The following SASH3 variants were observed in gnomAD, a reference collection of about 807,000 sequenced individuals.
The protein encoded by SASH3 is SAM and SH3 domain-containing protein 3.
Under a neutral mutation model 26.1 loss-of-function variants are expected in SASH3, and 7 were observed. The ratio of observed to expected loss-of-function variants is 0.27; its 90% confidence interval spans 0.15 to 0.50. SASH3 has a LOEUF of 0.50. Among genes scored for constraint, SASH3 ranks in the 20% least tolerant of loss-of-function variants. The pLI is 0.98. For synonymous variants in SASH3, 138 were observed against 136.8 expected (o/e 1.01, Z -0.06); for missense variants, 231 against 318.3 (o/e 0.73, Z 2.09).
chrX:129,788,137 G>GGGGGGGGGGGGGGGGGGGGGGGGTGGC, intron 2 of SASH3, 67 bp downstream of exon 2: 1 of 354,273 alleles, frequency 2.8e-6, no homozygotes. Context: ...GGGTGGGAGG[G>GGGGGGGGGGGGGGGGGGGGGGGGTGGC]AAGAGGGTGA....
At position 129,781,798 on chromosome X, in the gene SASH3, C is replaced by A. The variant is rs181759434; in HGVS notation, c.57+1644C>A. Among the ~76,000 whole-genome samples the A allele has an allele frequency of 7.8e-3, 875 of 112,205 alleles. 11 individuals carry two copies. Among genetic ancestry groups the A allele is most frequent in the African/African-American group, 0.026 (819 of 30,914 alleles). ...GTCCTTTCGGGGAGAGTAGTCCAGG[C>A]AAACCCCACCCCAACCCCTGCCAGA... On this transcript the variant is annotated intron_variant, in intron 1 of 7. Coordinates refer to ENST00000356892, the MANE Select transcript of SASH3 (RefSeq NM_018990.4).
chrX:129,793,676 C>A lies in SASH3; in HGVS notation c.987C>A (p.Ser329Arg). 8.3e-7 allele frequency: 1 copy of A among 1,212,035 alleles called. No individual in the cohort carries two copies. The highest frequency in any genetic ancestry group is 2.2e-5 in the Admixed American group (1 of 46,143). ...GSEEAEEGAE[S>R]SQEPVAHTVS... Reference sequence around the variant, plus strand: ...AGGAGGCTGAAGAGGGCGCCGAGAGCAGCCAGGAGCCAGTGGCACACACAG... The same window carrying A: ...AGGAGGCTGAAGAGGGCGCCGAGAGAAGCCAGGAGCCAGTGGCACACACAG... Residue 329 changes from serine (S) to arginine (R), a missense_variant, in exon 8 of 8, where the codon AGC becomes AGA. Ser to Arg is a moderately radical substitution (Grantham distance 110, BLOSUM62 -1). Transcript: ENST00000356892.
At chrX:129,790,285 C>T (rs978714613) in intron 3 of SASH3, among the ~76,000 whole-genome samples, 3 of 110,239 alleles carry the variant, frequency 2.7e-5, no homozygotes, top group African/African-American at 6.6e-5. Flanking sequence ...TGACATTGGC[C>T]GTGGAGGGGA....
At chrX:129,781,786 G>A (rs1311031102) in intron 1 of SASH3, among the ~76,000 whole-genome samples, 2 of 112,240 alleles carry the variant, frequency 1.8e-5, no homozygotes, top group Non-Finnish European at 3.8e-5. Context: ...CTTTCGGGGA[G>A]AGTAGTCCAG....
At chrX:129,791,214 C>T in intron 4 of SASH3, 133 bp downstream of exon 4, 1 of 616,768 alleles carries the variant, frequency 1.6e-6, no homozygotes, top group South Asian at 3.0e-5. Flanking sequence ...GGAACATTCT[C>T]AGTCCTCTTC....
At position 129,794,134 on chromosome X, in the gene SASH3, G is replaced by A. The variant is rs764161662; in HGVS notation, c.*302G>A. On this transcript the variant is annotated 3_prime_UTR_variant, in exon 8 of 8. Coordinates refer to ENST00000356892, the MANE Select transcript of SASH3 (RefSeq NM_018990.4). ...TGCCATGGCCACGGCCACAGCAAGT[G>A]GGGCACTGGGAAACCCTGCCCATGT... The A allele has an allele frequency of 1.8e-5, 6 of 331,984 alleles. No homozygotes were observed. In the South Asian group the frequency reaches 3.9e-4, roughly 22 times the overall value. 27.4% of individuals were successfully genotyped at this position (331,984 alleles called of 1,213,427 possible). A position where few individuals can be genotyped will look rare whatever the true frequency, so the allele number is the denominator to read the frequency against.
intron 1 of SASH3, among the ~76,000 whole-genome samples, chrX:129,782,302 G>A (rs1927031519): frequency 8.9e-6 from 1 of 112,092 alleles, no homozygotes; most frequent in Admixed American, 9.4e-5. Flanking sequence ...CCACACAAGG[G>A]GGTGCCTGCT....
chrX:129,792,600 C>T lies in SASH3; in HGVS notation c.592-27C>T, dbSNP rs776472749. On this transcript the variant is annotated intron_variant, in intron 5 of 7. Transcript: ENST00000356892. ...CCCCCCATATCCTCTCTCCCTTGCT[C>T]CCTTCTCCTCTCCTCTCCCCCAACA... is the stretch of plus-strand genomic sequence containing the variant. 48 of 1,201,494 alleles carry T rather than the reference C, an allele frequency of 4.0e-5. No individual in the cohort carries two copies. The South Asian group carries it at 8.3e-4, about 21-fold the overall frequency.
intron 4 of SASH3, among the ~76,000 whole-genome samples, chrX:129,791,623 G>A (rs1471743449): frequency 8.9e-6 from 1 of 112,210 alleles, no homozygotes; most frequent in East Asian, 2.8e-4. Context: ...AGAGGTGCCA[G>A]CAGGGAACTC....
intron 1 of SASH3, among the ~76,000 whole-genome samples, chrX:129,783,499 G>A: frequency 8.9e-6 from 1 of 112,253 alleles, no homozygotes; most frequent in Admixed American, 9.5e-5. Flanking sequence ...TGGGTTTCCA[G>A]AGTCATAGAC....
rs1015244249 is a variant in SASH3, at chrX:129,794,521, A to C, written c.*689A>C. ...TGACATTCTGTGACATTAAATGTCT[A>C]TTCTCCTGTTACCTGTGGCCTGGGA... On this transcript the variant is annotated 3_prime_UTR_variant, in exon 8 of 8. Coordinates refer to ENST00000356892, the MANE Select transcript of SASH3 (RefSeq NM_018990.4). 9.0e-6 allele frequency: 1 copy of C among 111,440 alleles called. No individual in the cohort carries two copies. Among genetic ancestry groups the C allele is most frequent in the Non-Finnish European group, 1.9e-5 (1 of 53,109 alleles). The allele number at this position is 111,440 out of a possible 1,213,427, so 9.2% of individuals were successfully genotyped here.
rs747716638 is a variant in SASH3 at position 129,793,592 on chromosome X, G to T, written c.953-50G>T. ...AGACTGCCTATGGTGTATTTCCCAA[G>T]GTCCCTACCTCCACCCCCATATTCT... On this transcript the variant is annotated intron_variant, in intron 7 of 7. Transcript: ENST00000356892. 6.9e-6 allele frequency: 8 copies of T among 1,160,402 alleles called. No individual in the cohort carries two copies. In the Admixed American group the frequency reaches 9.1e-5, roughly 13 times the overall value.
rs757526306 is a variant in SASH3, at chrX:129,787,958, A to G, written c.58-17A>G. The G allele has an allele frequency of 2.5e-6, 3 of 1,196,235 alleles. No individual in the cohort carries two copies. In the East Asian group the frequency reaches 8.9e-5, roughly 35 times the overall value. ...AGCCATTTAGCCCACTGATTGCAAC[A>G]CCCACCCTTTTTCCAGCTCTCCCTT... On this transcript the variant is annotated splice_polypyrimidine_tract_variant and intron_variant, in intron 1 of 7. Coordinates refer to ENST00000356892, the MANE Select transcript of SASH3 (RefSeq NM_018990.4).
At chrX:129,788,137 G>GGGGTTGGC in intron 2 of SASH3, 67 bp downstream of exon 2, 5 of 354,245 alleles carry the variant, frequency 1.4e-5, no homozygotes, top group Non-Finnish European at 2.2e-5. Flanking sequence ...GGGTGGGAGG[G>GGGGTTGGC]AAGAGGGTGA....
At chrX:129,782,117 A>C (rs1205764191) in intron 1 of SASH3, among the ~76,000 whole-genome samples, 4 of 112,478 alleles carry the variant, frequency 3.6e-5, no homozygotes, top group Non-Finnish European at 5.6e-5. Context: ...GCTGAGCTGG[A>C]ATCCTACCAC....
chrX:129,787,797 G>GA (rs1379036626), intron 1 of SASH3, among the ~76,000 whole-genome samples, 178 bp from the exon 2 acceptor site: 1 of 111,630 alleles, frequency 9.0e-6, no homozygotes, highest in African/African-American at 3.3e-5. Context: ...GTGAAGAATG[G>GA]AATGAAACCA....
At position 129,793,837 on chromosome X, in the gene SASH3, G is replaced by T. The variant is rs776106026; in HGVS notation, c.*5G>T. On this transcript the variant is annotated 3_prime_UTR_variant, in exon 8 of 8. Transcript: ENST00000356892. ...TCCCTGGCCGGGGCACCTTGAGGTGGCGGTGGCAATAGGCCAAGGCTGGGA... is the reference window on the plus strand; with the variant it reads ...TCCCTGGCCGGGGCACCTTGAGGTGTCGGTGGCAATAGGCCAAGGCTGGGA... The T allele has an allele frequency of 2.0e-5, 24 of 1,173,425 alleles. No individual in the cohort carries two copies. The South Asian group carries it at 4.5e-4, about 22-fold the overall frequency.
chrX:129,782,563 G>A (rs1220418001), intron 1 of SASH3, among the ~76,000 whole-genome samples: 2 of 112,327 alleles, frequency 1.8e-5, no homozygotes, highest in African/African-American at 6.5e-5. Flanking sequence ...CTTGCTGAAG[G>A]TCACACAGCT....
chrX:129,792,162 G>A (rs1927242355), intron 4 of SASH3, among the ~76,000 whole-genome samples, 166 bp from the exon 5 acceptor site: 1 of 112,070 alleles, frequency 8.9e-6, no homozygotes, highest in Admixed American at 9.4e-5. Flanking sequence ...TAGCCAAGGG[G>A]GTGGTTCAGA....
Sources: gnomAD v4.1 joint callset for allele counts (sites outside exome capture counted in the v4.1 genomes callset) on GRCh38, gnomAD v4.1.1 for gene constraint, MANE v1.5 for transcripts, NCBI Gene and HGNC (gene_info 2026-07-23, HGNC 2026-07-21) for gene names.